The following PHEX variants were observed in gnomAD, a reference collection of about 807,000 sequenced individuals.
PHEX encodes phosphate regulating endopeptidase X-linked.
Under a neutral mutation model 68.0 loss-of-function variants are expected in PHEX, and 16 were observed. That is an observed-to-expected ratio of 0.24 (90% confidence interval 0.16 to 0.36). PHEX has a LOEUF of 0.36. PHEX is among the 10% of genes least tolerant of loss of function. PHEX has a pLI of 1.00. For synonymous variants in PHEX, 208 were observed against 205.1 expected, an observed-to-expected ratio of 1.01 and a Z score of -0.12; for missense variants, 480 against 575.5, an observed-to-expected ratio of 0.83 and a Z score of 1.70.
intron 12 of PHEX, among the ~76,000 whole-genome samples, chrX:22,136,260 T>C (rs906715180): frequency 1.8e-5 from 2 of 111,739 alleles, no homozygotes; most frequent in East Asian, 2.8e-4. Context: ...GGAGAGACTT[T>C]GCCTAATAAT....
intron 15 of PHEX, among the ~76,000 whole-genome samples, chrX:22,205,703 TA>T (rs1408034813): frequency 4.5e-5 from 5 of 109,998 alleles, no homozygotes; most frequent in Middle Eastern, 4.8e-3. Flanking sequence ...TATTAATATT[TA>T]AAAAACTTCC....
At position 22,097,035 on chromosome X, in the gene PHEX, C is replaced by T. The variant is rs1469037986; in HGVS notation, c.930C>T (p.Pro310=). The change falls in exon 8 of 22, where the codon CCC becomes CCT. Residue 310 remains proline (P), a synonymous_variant. Transcript: ENST00000379374. ...MNISELSAMI[P]QFDWLGYIKK... is the part of the protein sequence containing the mutation. ...TTTCTGAACTGAGTGCTATGATTCC[C>T]CAGGTTGGTGAAAACTATCCAGAAA... The T allele has an allele frequency of 1.7e-6, 2 of 1,176,933 alleles. No individual in the cohort carries two copies. The highest frequency in any genetic ancestry group is 2.3e-6 in the Non-Finnish European group (2 of 864,970).
chrX:22,032,968 AG>A lies in PHEX; in HGVS notation c.-37del, dbSNP rs1405351426. 1 of 1,074,186 alleles carries A rather than the reference AG, an allele frequency of 9.3e-7. No homozygotes were observed. The highest frequency in any genetic ancestry group is 1.3e-6 in the Non-Finnish European group (1 of 771,785). 88.5% of individuals were successfully genotyped at this position (1,074,186 alleles called of 1,213,427 possible). ...TGAGACCAGCCACCAAACCACGAAA[AG>A]TGACTTTCTTCTCGTGTGCTCTCTA... On this transcript the variant is annotated 5_prime_UTR_variant, in exon 1 of 22. It adds an upstream start codon to the 5' untranslated region. Coordinates refer to ENST00000379374, the MANE Select transcript of PHEX (RefSeq NM_000444.6).
At chrX:22,061,995 T>G (rs936615479) in intron 3 of PHEX, among the ~76,000 whole-genome samples, 1 of 110,981 alleles carries the variant, frequency 9.0e-6, no homozygotes, top group African/African-American at 3.3e-5. Context: ...TGGCAGCAGG[T>G]GAGAGAGAGT....
intron 5 of PHEX, among the ~76,000 whole-genome samples, chrX:22,081,196 C>T (rs972749378): frequency 9.0e-6 from 1 of 110,639 alleles, no homozygotes; most frequent in African/African-American, 3.3e-5. Flanking sequence ...CCCCATTTCT[C>T]GGTCTTTTCC....
intron 12 of PHEX, among the ~76,000 whole-genome samples, chrX:22,154,877 C>T (rs1932916557): frequency 8.9e-6 from 1 of 112,057 alleles, no homozygotes; most frequent in South Asian, 3.7e-4. Context: ...TATGACATTC[C>T]CTTCTTTTAG....
In PHEX at chrX:22,249,455, A is replaced by AAAAAAATATATATATAT; in HGVS notation, c.*1503_*1504insAAAAATATATATATATA. ...TTGTGATTCTTTTAAAAAAAAAAAA[A>AAAAAAATATATATATAT]ATATATATATATATATATATATATA... On this transcript the variant is annotated 3_prime_UTR_variant, in exon 22 of 22. Transcript: ENST00000379374. 47 of 39,736 alleles carry AAAAAAATATATATATAT rather than the reference A, an allele frequency of 1.2e-3. No individual in the cohort carries two copies. The highest frequency in any genetic ancestry group is 1.7e-3 in the Non-Finnish European group (42 of 24,453). 3.3% of individuals were successfully genotyped at this position (39,736 alleles called of 1,213,427 possible). A position where few individuals can be genotyped will look rare whatever the true frequency, so the allele number is the denominator to read the frequency against.
At chrX:22,063,951 T>A (rs73635596) in intron 3 of PHEX, among the ~76,000 whole-genome samples, 5,170 of 112,388 alleles carry the variant, frequency 0.046, 291 homozygotes, top group African/African-American at 0.16. Flanking sequence ...AACACTGCAG[T>A]GTCTTCCACA....
intron 9 of PHEX, among the ~76,000 whole-genome samples, chrX:22,106,778 C>CAAAAAAAA (rs10647092): frequency 3.8e-5 from 2 of 53,315 alleles, no homozygotes; most frequent in African/African-American, 1.4e-4. Context: ...AACTCTGTCT[C>CAAAAAAAA]AAAAAAAAAA....
At chrX:22,114,786 G>C (rs1931160648) in intron 11 of PHEX, among the ~76,000 whole-genome samples, 200 bp downstream of exon 11, 1 of 111,367 alleles carries the variant, frequency 9.0e-6, no homozygotes, top group African/African-American at 3.3e-5. Flanking sequence ...TTGAAGGTTA[G>C]AGGAGAGAGA....
chrX:22,105,151 A>G (rs1019337357), intron 9 of PHEX, among the ~76,000 whole-genome samples: 1 of 111,698 alleles, frequency 9.0e-6, no homozygotes, highest in African/African-American at 3.3e-5. Context: ...ATTACTGGGG[A>G]GTTTGTCAGA....
intron 11 of PHEX, among the ~76,000 whole-genome samples, chrX:22,132,438 A>G (rs1354843692): frequency 9.0e-6 from 1 of 111,391 alleles, no homozygotes; most frequent in African/African-American, 3.3e-5. Context: ...GGAAATAACA[A>G]GACTTTTCTG....
chrX:22,070,544 G>A lies in PHEX; in HGVS notation c.350-5844G>A, dbSNP rs192711046. Among the ~76,000 whole-genome samples the A allele has an allele frequency of 4.5e-5, 5 of 111,853 alleles. No individual in the cohort carries two copies. In the East Asian group the frequency reaches 1.1e-3, roughly 25 times the overall value. Reference sequence around the variant, plus strand: ...AAATAAAAATAAAACAATTAGCCACGGTGTGGTGGTGTGCACCTGTAGTCC... The same window carrying A: ...AAATAAAAATAAAACAATTAGCCACAGTGTGGTGGTGTGCACCTGTAGTCC... On this transcript the variant is annotated intron_variant, in intron 3 of 21. Transcript: ENST00000379374.
At chrX:22,174,198 G>A (rs983082108) in intron 13 of PHEX, among the ~76,000 whole-genome samples, 4 of 111,962 alleles carry the variant, frequency 3.6e-5, no homozygotes, top group Non-Finnish European at 5.6e-5. Context: ...GTCAAGAGAT[G>A]GAATTGATTG....
chrX:22,067,535 T>C (rs12844276), intron 3 of PHEX, among the ~76,000 whole-genome samples: 1 of 111,245 alleles, frequency 9.0e-6, no homozygotes, highest in South Asian at 3.8e-4. Context: ...AGCTGCAGAG[T>C]GAGGAAATCA....
chrX:22,238,433 G>A (rs887397728), intron 20 of PHEX, among the ~76,000 whole-genome samples: 9 of 111,551 alleles, frequency 8.1e-5, no homozygotes, highest in Non-Finnish European at 1.3e-4. Context: ...CACAGTCTTC[G>A]CAACTGGCAG....
chrX:22,042,395 A>T (rs955157892), intron 2 of PHEX, among the ~76,000 whole-genome samples: 1 of 112,364 alleles, frequency 8.9e-6, no homozygotes, highest in Non-Finnish European at 1.9e-5. Flanking sequence ...AAGCCACATG[A>T]TCCTGGGCTA....
At chrX:22,231,070 A>G (rs113024355) in intron 20 of PHEX, among the ~76,000 whole-genome samples, 2,100 of 110,343 alleles carry the variant, frequency 0.019, 48 homozygotes, top group African/African-American at 0.065. Flanking sequence ...GTTTATGTTT[A>G]TTGATTTGCA....
chrX:22,164,671 C>T (rs1569415968), intron 12 of PHEX, among the ~76,000 whole-genome samples: 1 of 112,249 alleles, frequency 8.9e-6, no homozygotes, highest in East Asian at 2.8e-4. Flanking sequence ...TTTCTTTTCT[C>T]TCTCTCTCTT....
Sources: gnomAD v4.1 joint callset for allele counts (sites outside exome capture counted in the v4.1 genomes callset) on GRCh38, gnomAD v4.1.1 for gene constraint, MANE v1.5 for transcripts, NCBI Gene and HGNC (gene_info 2026-07-23, HGNC 2026-07-21) for gene names.